Variants in FUBP3 observed in about 807,000 individuals in gnomAD.
FUBP3 encodes far upstream element binding protein 3, also known as far upstream element-binding protein 3.
FUBP3 carries 28 observed loss-of-function variants against 85.6 expected under a neutral mutation model. The observed-to-expected ratio is 0.33, with a 90% CI of 0.24 to 0.45. FUBP3 has a LOEUF of 0.45. Among genes scored for constraint, FUBP3 ranks in the 20% least tolerant of loss-of-function variants. FUBP3 has a pLI of 1.00. For missense variants in FUBP3, 583 were observed against 755.1 expected, an observed-to-expected ratio of 0.77 and a Z score of 2.67; for synonymous variants, 271 against 271.4, an observed-to-expected ratio of 1.00 and a Z score of 0.01.
chr9:130,616,695 C>T lies in FUBP3; in HGVS notation c.567+178C>T, dbSNP rs1832025377. On this transcript the variant is annotated intron_variant, in intron 7 of 18. Coordinates refer to ENST00000319725, the MANE Select transcript of FUBP3 (RefSeq NM_003934.2). This position sits in a 1 kb window ranked among gnomAD's most constrained non-coding sequence, Gnocchi z 4.7. ...TTCTGAACATACACCACGGCCACGT[C>T]TGATGCCAAATATGATGCCAAGTAC... 6.6e-6 allele frequency among the ~76,000 whole-genome samples: 1 copy of T among 152,258 alleles called. No individual in the cohort carries two copies. The highest frequency in any genetic ancestry group is 6.5e-5 in the Admixed American group (1 of 15,292).
intron 5 of FUBP3, among the ~76,000 whole-genome samples, chr9:130,613,662 A>G (rs1388037254): frequency 6.6e-6 from 1 of 152,340 alleles, no homozygotes; most frequent in African/African-American, 2.4e-5. Context: ...TTTAAAAGAT[A>G]CTTATTACAG....
intron 2 of FUBP3, among the ~76,000 whole-genome samples, chr9:130,603,506 A>G (rs576693226): frequency 2.2e-4 from 34 of 152,128 alleles, no homozygotes; most frequent in Non-Finnish European, 4.6e-4. Flanking sequence ...TTTTAGGATT[A>G]TAATTCAGAA....
In FUBP3 at chr9:130,637,971, A is replaced by G. The variant is rs1830472151; in HGVS notation, c.*949A>G. The G allele has an allele frequency of 6.6e-6, 1 of 152,632 alleles. No homozygotes were observed. The highest frequency in any genetic ancestry group is 1.5e-5 in the Non-Finnish European group (1 of 68,038). 9.5% of individuals were successfully genotyped at this position (152,632 alleles called of 1,614,324 possible). On this transcript the variant is annotated 3_prime_UTR_variant, in exon 19 of 19. Coordinates refer to ENST00000319725, the MANE Select transcript of FUBP3 (RefSeq NM_003934.2). ...TTTGTCAGATTAACTAGATGAATAA[A>G]TAAATCTAGTATTAACCGCATTATG...
intron 12 of FUBP3, among the ~76,000 whole-genome samples, chr9:130,628,124 A>C (rs1830066935): frequency 1.3e-5 from 2 of 150,586 alleles, no homozygotes; most frequent in African/African-American, 4.9e-5. Flanking sequence ...ACACACACAC[A>C]CACCCCCTAC....
chr9:130,626,322 G>A (rs1232433159), intron 11 of FUBP3, 42 bp from the exon 12 acceptor site: 7 of 1,585,166 alleles, frequency 4.4e-6, no homozygotes, highest in Admixed American at 1.8e-5. Flanking sequence ...CAGTGGTGCT[G>A]TGGCAGTGGC....
chr9:130,629,908 G>C (rs1254586121), intron 12 of FUBP3, among the ~76,000 whole-genome samples: 1 of 152,232 alleles, frequency 6.6e-6, no homozygotes, highest in African/African-American at 2.4e-5. Context: ...TCCAACTATT[G>C]TTACGCTGCT....
rs1829812121 is a variant in FUBP3, at chr9:130,622,778, A to G, written c.842A>G (p.Asn281Ser). The G allele has an allele frequency of 1.3e-6, 2 of 1,594,940 alleles. No homozygotes were observed. Among genetic ancestry groups the G allele is most frequent in the Non-Finnish European group, 1.7e-6 (2 of 1,164,508 alleles). Residue 281 changes from asparagine to serine, a missense_variant, in exon 10 of 19, where the codon AAT (asparagine) becomes AGT (serine). Physicochemically the swap from Asn to Ser is conservative, Grantham distance 46. This residue lies in a region of FUBP3 where 404 missense variants were observed against 516.8 expected (regional missense o/e 0.78). Coordinates refer to ENST00000319725, the MANE Select transcript of FUBP3 (RefSeq NM_003934.2). ...RNGEMIKKIQ[N>S]DAGVRIQFKP... is the part of the protein sequence containing the mutation. The stretch of plus-strand genomic sequence containing the variant: ...GGGGAAATGATCAAAAAGATCCAGA[A>G]TGATGCTGGTGTGAGGATTCAGTTT...
At chr9:130,606,952 C>T (rs918390047) in intron 2 of FUBP3, among the ~76,000 whole-genome samples, 1 of 151,806 alleles carries the variant, frequency 6.6e-6, no homozygotes, top group African/African-American at 2.4e-5. Flanking sequence ...GTCTGATCAC[C>T]TTTTTTTGTG....
Position 130,623,726 on chromosome 9 carries a change from G to T in FUBP3, c.975+15G>T, listed in dbSNP as rs116711897. The T allele has an allele frequency of 8.2e-4, 1,284 of 1,565,638 alleles. 13 individuals carry two copies. The African/African-American group carries it at 0.015, about 19-fold the overall frequency. ...TTACAGCCCAGGTGGGTCCAGCTCT[G>T]CAGAGTGTGAGTGTTTGGGCTGCAG... is the stretch of plus-strand genomic sequence containing the variant. On this transcript the variant is annotated intron_variant, in intron 11 of 18. Coordinates refer to ENST00000319725, the MANE Select transcript of FUBP3 (RefSeq NM_003934.2).
intron 1 of FUBP3, among the ~76,000 whole-genome samples, chr9:130,589,697 A>AT (rs1350487553): frequency 5.0e-4 from 15 of 29,946 alleles, no homozygotes; most frequent in African/African-American, 4.8e-4. Context: ...ATATATATAT[A>AT]TATATATATT....
chr9:130,635,902 C>A lies in FUBP3; in HGVS notation c.1583-97C>A. 7.8e-7 allele frequency: 1 copy of A among 1,283,134 alleles called. No homozygotes were observed. The highest frequency in any genetic ancestry group is 1.1e-6 in the Non-Finnish European group (1 of 922,474). 79.5% of individuals were successfully genotyped at this position (1,283,134 alleles called of 1,614,324 possible). ...CTCCCAGACCTCCCTGCCTTCCAGC[C>A]GTCCGGAGGGAGAGCAGATGCCCAG... On this transcript the variant is annotated intron_variant, in intron 17 of 18. Transcript: ENST00000319725. This position sits in a 1 kb window ranked among gnomAD's most constrained non-coding sequence, Gnocchi z 4.3.
At chr9:130,628,165 C>A (rs1247526518) in intron 12 of FUBP3, among the ~76,000 whole-genome samples, 1 of 152,030 alleles carries the variant, frequency 6.6e-6, no homozygotes, top group Non-Finnish European at 1.5e-5. Context: ...CATCTCTTTT[C>A]CTTGAGATGG....
At chr9:130,631,218 ACTGC>A in intron 13 of FUBP3, 1 of 1,228,342 alleles carries the variant, frequency 8.1e-7, no homozygotes, top group Non-Finnish European at 1.0e-6. Flanking sequence ...CAGATGGGCC[ACTGC>A]TCACCTCAAT....
At position 130,579,604 on chromosome 9, in the gene FUBP3, AGC is replaced by A; in HGVS notation, c.-75_-74del. ...TTTCCGGCTACGGGTCCCCAAGCGG[AGC>A]GGGAGGCCGGACCGGGGAGCCGAGC... On this transcript the variant is annotated 5_prime_UTR_variant, in exon 1 of 19. Transcript: ENST00000319725. 1 of 917,662 alleles carries A rather than the reference AGC, an allele frequency of 1.1e-6. No individual in the cohort carries two copies. The highest frequency in any genetic ancestry group is 1.4e-6 in the Non-Finnish European group (1 of 703,358). The allele number at this position is 917,662 out of a possible 1,614,324, so 56.8% of individuals were successfully genotyped here.
chr9:130,630,565 C>T, intron 12 of FUBP3, 63 bp from the exon 13 acceptor site: 1 of 1,371,268 alleles, frequency 7.3e-7, no homozygotes. Flanking sequence ...GCCAAGTGCC[C>T]CAGAGCCTCA....
At chr9:130,585,207 A>G (rs1230155404) in intron 1 of FUBP3, among the ~76,000 whole-genome samples, 1 of 152,132 alleles carries the variant, frequency 6.6e-6, no homozygotes, top group East Asian at 1.9e-4. Flanking sequence ...ATCTGGCCAC[A>G]CTGCTCCCAC....
intron 2 of FUBP3, among the ~76,000 whole-genome samples, chr9:130,597,030 C>T (rs1010364150): frequency 1.3e-5 from 2 of 151,770 alleles, no homozygotes; most frequent in Non-Finnish European, 2.9e-5. Context: ...CCCCCTCCCC[C>T]CTGAGTCCCC....
At chr9:130,605,817 C>G (rs1228979813) in intron 2 of FUBP3, among the ~76,000 whole-genome samples, 4 of 152,210 alleles carry the variant, frequency 2.6e-5, no homozygotes, top group African/African-American at 9.6e-5. Flanking sequence ...AACCCCATCT[C>G]TACTAAAAGT....
chr9:130,623,996 G>A (rs1256384446), intron 11 of FUBP3, among the ~76,000 whole-genome samples: 1 of 151,694 alleles, frequency 6.6e-6, no homozygotes, highest in Non-Finnish European at 1.5e-5. Context: ...TGGTCGCCAA[G>A]TTTCAAATAA....
Sources: allele counts gnomAD v4.1 joint callset (sites outside exome capture counted in the v4.1 genomes callset), GRCh38; gene constraint gnomAD v4.1.1; regional missense constraint gnomAD v4.1.1; non-coding constraint Gnocchi (gnomAD v3.1); transcripts MANE v1.5; gene names NCBI Gene and HGNC (gene_info 2026-07-23, HGNC 2026-07-21).